The following LRRIQ3 variants were observed in gnomAD, a reference collection of about 807,000 sequenced individuals.
LRRIQ3 encodes leucine-rich repeat and IQ domain-containing protein 3.
A neutral mutation model predicts 59.3 loss-of-function variants in LRRIQ3; 75 were observed. The observed-to-expected ratio is 1.26, with a 90% CI of 1.05 to 1.53. The LOEUF is 1.53. Ranked by LOEUF, LRRIQ3 falls within the 40% of genes most tolerant of loss-of-function variation. The pLI is 0.00. For synonymous variants in LRRIQ3, 250 were observed against 231.3 expected (o/e 1.08, Z -0.73); for missense variants, 831 against 710.0 (o/e 1.17, Z -1.94).
chr1:74,134,226 C>G (rs1647079661), intron 4 of LRRIQ3, among the ~76,000 whole-genome samples: 1 of 151,960 alleles, frequency 6.6e-6, no homozygotes, highest in Admixed American at 6.6e-5. Context: ...ACTAGAAATT[C>G]ACTAAAGGCA....
intron 1 of LRRIQ3, among the ~76,000 whole-genome samples, chr1:74,188,873 T>C (rs527912534): frequency 6.6e-6 from 1 of 152,288 alleles, no homozygotes; most frequent in Admixed American, 6.5e-5. Flanking sequence ...GTAAATTCCT[T>C]TATTTTTAAT....
chr1:74,187,071 T>C (rs1409832093), intron 1 of LRRIQ3, among the ~76,000 whole-genome samples: 2 of 152,106 alleles, frequency 1.3e-5, no homozygotes, highest in Non-Finnish European at 2.9e-5. Flanking sequence ...AAGGGAATAC[T>C]GCTGGTGGGA....
rs555606227 is a variant in LRRIQ3, at chr1:74,169,517, G to T, written c.573+13021C>A. ...TTCCATAATAGCTGTACCATTTTACGTTGCCACCAACAGTGTACAAAGGTT... is the reference window on the plus strand; with the variant it reads ...TTCCATAATAGCTGTACCATTTTACTTTGCCACCAACAGTGTACAAAGGTT... On this transcript the variant is annotated intron_variant, in intron 3 of 7. Coordinates refer to ENST00000354431, the MANE Select transcript of LRRIQ3 (RefSeq NM_001105659.2). Among the ~76,000 whole-genome samples, 64 of 151,934 alleles carry T rather than the reference G, an allele frequency of 4.2e-4. 1 individual carries two copies. The highest frequency in any genetic ancestry group is 6.2e-4 in the Non-Finnish European group (42 of 67,976).
Position 74,117,515 on chromosome 1 carries a change from C to T in LRRIQ3, c.708-7962G>A, listed in dbSNP as rs1475970959. ...GTGAGGTGGCTCATGCCTGTAATCC[C>T]AGAACTTTCGGAGGCCGAGGTGGGC... On this transcript the variant is annotated intron_variant, in intron 4 of 7. Transcript: ENST00000354431. Among the ~76,000 whole-genome samples, 3 of 152,102 alleles carry T rather than the reference C, an allele frequency of 2.0e-5. No individual in the cohort carries two copies. The East Asian group carries it at 5.8e-4, about 29-fold the overall frequency.
At chr1:74,055,256 A>G (rs1654497783) in intron 6 of LRRIQ3, among the ~76,000 whole-genome samples, 1 of 150,162 alleles carries the variant, frequency 6.7e-6, no homozygotes, top group Non-Finnish European at 1.5e-5. Context: ...TTTTTCTGAC[A>G]CTTTGTCACA....
At chr1:74,097,154 A>T (rs747772227) in intron 5 of LRRIQ3, among the ~76,000 whole-genome samples, 1 of 152,146 alleles carries the variant, frequency 6.6e-6, no homozygotes, top group Non-Finnish European at 1.5e-5. Flanking sequence ...AAGAAGCTAA[A>T]ATCCTTGAAA....
At chr1:74,144,035 A>G (rs1279043191) in intron 4 of LRRIQ3, among the ~76,000 whole-genome samples, 1 of 151,914 alleles carries the variant, frequency 6.6e-6, no homozygotes, top group Non-Finnish European at 1.5e-5. Context: ...AAATGCATAA[A>G]TAGATGTTGG....
chr1:74,058,144 G>T (rs1654592668), intron 6 of LRRIQ3, among the ~76,000 whole-genome samples: 2 of 152,038 alleles, frequency 1.3e-5, no homozygotes, highest in African/African-American at 2.4e-5. Flanking sequence ...TTAGTACAAT[G>T]ACTATGGAAA....
chr1:74,041,353 A>C lies in LRRIQ3; in HGVS notation c.1578T>G (p.Thr526=). ...LLVQNLNNER[T]LLTRGLLKID... Reference sequence around the variant, plus strand: ...TTTTAAGTAGTCCTCTGGTCAAAAGAGTGCGCTCATTATTTAAGTTTTGAA... The same window carrying C: ...TTTTAAGTAGTCCTCTGGTCAAAAGCGTGCGCTCATTATTTAAGTTTTGAA... Residue 526 remains threonine, a synonymous_variant, in exon 7 of 8, where the codon ACT becomes ACG. Transcript: ENST00000354431. 1 of 1,613,858 alleles carries C rather than the reference A, an allele frequency of 6.2e-7. No homozygotes were observed. Among genetic ancestry groups the C allele is most frequent in the South Asian group, 1.1e-5 (1 of 91,082 alleles).
At chr1:74,138,427 C>A (rs527850323) in intron 4 of LRRIQ3, 3 of 957,306 alleles carry the variant, frequency 3.1e-6, no homozygotes, top group African/African-American at 1.8e-5. Flanking sequence ...AATCCATTAC[C>A]AGACTTACAT....
At chr1:74,070,830 A>G (rs1258336621) in intron 6 of LRRIQ3, among the ~76,000 whole-genome samples, 1 of 151,846 alleles carries the variant, frequency 6.6e-6, no homozygotes, top group African/African-American at 2.4e-5. Flanking sequence ...GGCATGTAGG[A>G]AGAAAAGAAG....
chr1:74,062,116 A>G (rs1654736857), intron 6 of LRRIQ3, among the ~76,000 whole-genome samples: 1 of 152,158 alleles, frequency 6.6e-6, no homozygotes, highest in Non-Finnish European at 1.5e-5. Context: ...CAACAAAGTA[A>G]ACAGACAACC....
At chr1:74,096,887 C>T (rs1251979952) in intron 5 of LRRIQ3, among the ~76,000 whole-genome samples, 2 of 152,126 alleles carry the variant, frequency 1.3e-5, no homozygotes, top group Admixed American at 1.3e-4. Context: ...GCAAATGTTG[C>T]TGCCTGATCG....
chr1:74,128,578 C>T (rs557726908), intron 4 of LRRIQ3, among the ~76,000 whole-genome samples: 1 of 152,206 alleles, frequency 6.6e-6, no homozygotes, highest in African/African-American at 2.4e-5. Flanking sequence ...ATATGTCTCT[C>T]TCAACAGGAT....
intron 3 of LRRIQ3, among the ~76,000 whole-genome samples, chr1:74,174,965 T>C (rs1240423856): frequency 1.3e-5 from 2 of 152,250 alleles, no homozygotes; most frequent in African/African-American, 4.8e-5. Context: ...TTATTCTTCA[T>C]TGTCCTTAAA....
intron 5 of LRRIQ3, among the ~76,000 whole-genome samples, chr1:74,077,506 TAC>T (rs1646223015): frequency 6.6e-6 from 1 of 151,854 alleles, no homozygotes; most frequent in Admixed American, 6.6e-5. Flanking sequence ...CTATCACAAA[TAC>T]AGTTAATTTA....
intron 5 of LRRIQ3, among the ~76,000 whole-genome samples, chr1:74,088,319 A>G (rs550303688): frequency 9.2e-5 from 14 of 152,154 alleles, no homozygotes; most frequent in Non-Finnish European, 1.6e-4. Context: ...TTATAATGAC[A>G]TAAAATGCTT....
intron 4 of LRRIQ3, among the ~76,000 whole-genome samples, chr1:74,119,670 A>G (rs1038833331): frequency 6.6e-6 from 1 of 152,122 alleles, no homozygotes; most frequent in African/African-American, 2.4e-5. Flanking sequence ...ACCACTATCA[A>G]TTATTAAATA....
At chr1:74,161,946 A>C (rs552373336) in intron 3 of LRRIQ3, among the ~76,000 whole-genome samples, 25 of 151,828 alleles carry the variant, frequency 1.6e-4, no homozygotes, top group Admixed American at 1.3e-3. Context: ...AATAATAATA[A>C]TGCATTCCCT....
Sources: gnomAD v4.1 joint callset for allele counts (sites outside exome capture counted in the v4.1 genomes callset) on GRCh38, gnomAD v4.1.1 for gene constraint, MANE v1.5 for transcripts, NCBI Gene and HGNC (gene_info 2026-07-23, HGNC 2026-07-21) for gene names.